The following MEF2C variants were observed in gnomAD, a reference collection of about 807,000 sequenced individuals.
MEF2C encodes myocyte-specific enhancer factor 2C.
In MEF2C, 6 loss-of-function variants were observed where a neutral mutation model predicts 50.5. The ratio of observed to expected loss-of-function variants is 0.12; its 90% CI spans 0.07 to 0.23. MEF2C has a LOEUF of 0.23. MEF2C is among the 10% of genes least tolerant of loss of function. The pLI is 1.00. For synonymous variants in MEF2C, 183 were observed against 228.0 expected (o/e 0.80, Z 1.78); for missense variants, 276 against 605.0 (o/e 0.46, Z 5.70).
At chr5:88,849,630 G>A (rs1453554390) in intron 1 of MEF2C, among the ~76,000 whole-genome samples, 1 of 152,170 alleles carries the variant, frequency 6.6e-6, no homozygotes, top group African/African-American at 2.4e-5. Flanking sequence ...GAATCTGCAA[G>A]CTGCCTTAAG....
At chr5:88,800,085 G>A (rs901937733) in intron 3 of MEF2C, among the ~76,000 whole-genome samples, 4 of 152,194 alleles carry the variant, frequency 2.6e-5, no homozygotes, top group African/African-American at 9.6e-5. Flanking sequence ...TCACTGGACT[G>A]TGGGCCCAGA....
upstream of MEF2C, chr5:88,883,473 T>C (rs1020550845): frequency 7.5e-6 from 1 of 133,332 alleles, no homozygotes; most frequent in African/African-American, 2.9e-5. Flanking sequence ...GCTCACAGCG[T>C]TTGAAACATC....
At chr5:88,797,454 CCTTTTTTTT>C (rs1796488214) in intron 3 of MEF2C, among the ~76,000 whole-genome samples, 4 of 25,220 alleles carry the variant, frequency 1.6e-4, no homozygotes, top group Non-Finnish European at 2.8e-4. Flanking sequence ...GCAACCCTTG[CCTTTTTTTT>C]TTTTTTTTTT....
intron 1 of MEF2C, among the ~76,000 whole-genome samples, chr5:88,880,307 C>A (rs1269094100): frequency 6.6e-6 from 1 of 152,016 alleles, no homozygotes; most frequent in East Asian, 1.9e-4. Flanking sequence ...ATCTTGTGAC[C>A]ATTAATTGCA....
At chr5:88,783,508 C>A (rs937195036) in intron 3 of MEF2C, among the ~76,000 whole-genome samples, 2 of 152,196 alleles carry the variant, frequency 1.3e-5, no homozygotes, top group East Asian at 1.9e-4. Flanking sequence ...TGGCACATGC[C>A]TGTAATCCTA....
At chr5:88,888,164 T>C (rs983729524), upstream of MEF2C, 3 of 152,236 alleles carry the variant, frequency 2.0e-5, no homozygotes, top group Non-Finnish European at 2.9e-5. Flanking sequence ...TTACCAATAA[T>C]ACCTTATTTT....
At chr5:88,768,290 A>G (rs1200616626) in intron 3 of MEF2C, among the ~76,000 whole-genome samples, 1 of 152,212 alleles carries the variant, frequency 6.6e-6, no homozygotes, top group Admixed American at 6.5e-5. Flanking sequence ...TAGTTGCTCA[A>G]TAAATGCTAG....
chr5:88,826,797 A>G (rs1009262282), intron 1 of MEF2C, among the ~76,000 whole-genome samples: 2 of 152,078 alleles, frequency 1.3e-5, no homozygotes, highest in South Asian at 4.1e-4. Flanking sequence ...TTCATTACGT[A>G]CAATCAACCA....
At chr5:88,727,056 T>C (rs1410971604) in intron 10 of MEF2C, among the ~76,000 whole-genome samples, 4 of 152,134 alleles carry the variant, frequency 2.6e-5, no homozygotes, top group African/African-American at 4.8e-5. Flanking sequence ...TGCTAAGCCA[T>C]AGCAGTTGAT....
chr5:88,776,792 C>G (rs544995608), intron 3 of MEF2C, among the ~76,000 whole-genome samples: 1 of 152,300 alleles, frequency 6.6e-6, no homozygotes, highest in East Asian at 1.9e-4. Flanking sequence ...ATGGGCTCAG[C>G]ACTTTATGAT....
intron 3 of MEF2C, among the ~76,000 whole-genome samples, chr5:88,788,708 C>T (rs1792264979): frequency 6.6e-6 from 1 of 152,210 alleles, no homozygotes; most frequent in African/African-American, 2.4e-5. Context: ...TGTATAGCCA[C>T]ATGTGGCTAG....
chr5:88,789,552 C>A (rs1211705020), intron 3 of MEF2C, among the ~76,000 whole-genome samples: 1 of 151,996 alleles, frequency 6.6e-6, no homozygotes, highest in Non-Finnish European at 1.5e-5. Context: ...TACCCTAGAA[C>A]AGTAGCTCTA....
intron 1 of MEF2C, chr5:88,843,377 C>G (rs1818122118): frequency 2.0e-6 from 2 of 984,986 alleles, no homozygotes; most frequent in Non-Finnish European, 2.4e-6. Context: ...AAAGGTGAAC[C>G]AACAAATTGT....
chr5:88,852,239 A>G (rs1384252775), intron 1 of MEF2C, among the ~76,000 whole-genome samples: 1 of 152,198 alleles, frequency 6.6e-6, no homozygotes, highest in Admixed American at 6.5e-5. Context: ...AATCTTTTCT[A>G]TATAATTAAA....
In MEF2C at chr5:88,734,201, A is replaced by G. The variant is rs1249154842; in HGVS notation, c.638-2300T>C. On this transcript the variant is annotated intron_variant, in intron 6 of 10. Coordinates refer to ENST00000504921, the MANE Select transcript of MEF2C (RefSeq NM_002397.5). The stretch of plus-strand genomic sequence containing the variant: ...GGGATAAAAAGAGAATAAGAACATC[A>G]AGGTCAATTCTGCTCTATACTTTGC... 4.1e-6 allele frequency: 4 copies of G among 985,324 alleles called. No individual in the cohort carries two copies. The South Asian group carries it at 1.9e-4, about 46-fold the overall frequency. The allele number at this position is 985,324 out of a possible 1,614,324, so 61.0% of individuals were successfully genotyped here.
rs912392473 is a variant in MEF2C at position 88,772,790 on chromosome 5, T to C, written c.259-11462A>G. The C allele has an allele frequency of 6.1e-6, 6 of 985,258 alleles. No homozygotes were observed. In the African/African-American group the frequency reaches 1.0e-4, roughly 17 times the overall value. The allele number at this position is 985,258 out of a possible 1,614,324, so 61.0% of individuals were successfully genotyped here. On this transcript the variant is annotated intron_variant, in intron 3 of 10. Transcript: ENST00000504921. Reference sequence around the variant, plus strand: ...TCATTCACTCTTGAAAATTTTCACTTTGGTTTTGGTTATTCTATAGTGATC... The same window carrying C: ...TCATTCACTCTTGAAAATTTTCACTCTGGTTTTGGTTATTCTATAGTGATC...
At chr5:88,848,492 T>C (rs1820108173) in intron 1 of MEF2C, among the ~76,000 whole-genome samples, 1 of 152,206 alleles carries the variant, frequency 6.6e-6, no homozygotes, top group Non-Finnish European at 1.5e-5. Flanking sequence ...AAGTGCTTTA[T>C]GCATATTATT....
chr5:88,743,504 T>A, intron 6 of MEF2C: 1 of 984,434 alleles, frequency 1.0e-6, no homozygotes, highest in Non-Finnish European at 1.2e-6. Context: ...TATGCTAAGT[T>A]TTTTCTTTTT....
intron 4 of MEF2C, among the ~76,000 whole-genome samples, chr5:88,755,849 G>A (rs1219825851): frequency 6.6e-6 from 1 of 152,186 alleles, no homozygotes. Flanking sequence ...CCAAAATAAA[G>A]AGGATTATTA....
Sources: allele counts gnomAD v4.1 joint callset (sites outside exome capture counted in the v4.1 genomes callset), GRCh38; gene constraint gnomAD v4.1.1; transcripts MANE v1.5; gene names NCBI Gene and HGNC (gene_info 2026-07-23, HGNC 2026-07-21).